The following CC2D2A variants were observed in gnomAD, a reference collection of about 807,000 sequenced individuals.
The protein encoded by CC2D2A is coiled-coil and C2 domain-containing protein 2A.
Under a neutral mutation model 212.9 loss-of-function variants are expected in CC2D2A, and 155 were observed. The ratio of observed to expected loss-of-function variants is 0.73; its 90% CI spans 0.64 to 0.83. The LOEUF (loss-of-function observed/expected upper bound fraction) is 0.83. CC2D2A is among the 40% of genes least tolerant of loss of function. CC2D2A has a pLI of 0.00. For synonymous variants in CC2D2A, 667 were observed against 686.5 expected (o/e 0.97, Z 0.44); for missense variants, 1,856 against 1,956.2 (o/e 0.95, Z 0.97).
chr4:15,558,229 C>T (rs763058054), intron 21 of CC2D2A, among the ~76,000 whole-genome samples: 4 of 151,978 alleles, frequency 2.6e-5, no homozygotes, highest in Non-Finnish European at 2.9e-5. Flanking sequence ...AAATGGAGAG[C>T]CATCAGGAAT....
intron 1 of CC2D2A, among the ~76,000 whole-genome samples, chr4:15,472,241 T>G (rs988202685): frequency 1.4e-4 from 21 of 152,356 alleles, no homozygotes; most frequent in African/African-American, 5.1e-4. Flanking sequence ...CTCAGTTTAC[T>G]CATACGCAAA....
At chr4:15,585,691 T>C (rs546345146) in intron 30 of CC2D2A, among the ~76,000 whole-genome samples, 2 of 152,306 alleles carry the variant, frequency 1.3e-5, no homozygotes, top group East Asian at 3.9e-4. Flanking sequence ...ATATGCCAAT[T>C]ACCCTGATTT....
rs1355157477 is a variant in CC2D2A at position 15,510,236 on chromosome 4, C to G, written c.536C>G (p.Pro179Arg). ...HDSARKIKPK[P>R]QVPPGFPSAE... ...TCTGCACGAAAAATCAAGCCTAAAC[C>G]CCAGGTGAGAAATCTTGTTTTTTAA... The change falls in exon 7 of 37, where the codon CCC becomes CGC. Residue 179 changes from proline to arginine, a missense_variant. Transcript: ENST00000424120. 6.2e-7 allele frequency: 1 copy of G among 1,606,600 alleles called. No individual in the cohort carries two copies. Among genetic ancestry groups the G allele is most frequent in the East Asian group, 2.2e-5 (1 of 44,798 alleles).
At chr4:15,547,691 A>G (rs1348768311) in intron 17 of CC2D2A, among the ~76,000 whole-genome samples, 1 of 152,154 alleles carries the variant, frequency 6.6e-6, no homozygotes, top group Non-Finnish European at 1.5e-5. Context: ...TACCTACTTA[A>G]AGCCCAAAGT....
chr4:15,512,986 T>C (rs1716659722), intron 8 of CC2D2A, among the ~76,000 whole-genome samples: 1 of 151,438 alleles, frequency 6.6e-6, no homozygotes, highest in African/African-American at 2.4e-5. Context: ...GTGGACTTCA[T>C]GTTATATATA....
chr4:15,522,703 C>T (rs1307576388), intron 11 of CC2D2A, among the ~76,000 whole-genome samples: 2 of 152,086 alleles, frequency 1.3e-5, no homozygotes, highest in African/African-American at 4.8e-5. Flanking sequence ...CAATTTAATA[C>T]ATCTTAAGAA....
chr4:15,562,489 G>A (rs1249237817), intron 23 of CC2D2A, among the ~76,000 whole-genome samples: 7 of 152,118 alleles, frequency 4.6e-5, no homozygotes, highest in East Asian at 3.9e-4. Context: ...TATCATCTCC[G>A]TGAAAGGTAG....
At position 15,527,606 on chromosome 4, in the gene CC2D2A, C is replaced by T. The variant is rs1315611314; in HGVS notation, c.1309C>T (p.Gln437Ter). Residue 437 changes from glutamine (Q) to a stop codon, truncating the protein, a stop_gained, in exon 12 of 37, where the codon CAG becomes TAG. Transcript: ENST00000424120. LOFTEE classifies it high-confidence loss of function. ...LAAKLAQLYD[Q>*]YLARHQRNKA... is the part of the protein sequence containing the mutation. ...AGCCAAGCTGGCCCAGTTATATGAC[C>T]AGTACCTTGCAAGACACCAGAGAAA... The T allele has an allele frequency of 6.2e-7, 1 of 1,612,892 alleles. No individual in the cohort carries two copies. The highest frequency in any genetic ancestry group is 8.5e-7 in the Non-Finnish European group (1 of 1,179,382).
At chr4:15,492,091 T>G (rs1426734540) in intron 4 of CC2D2A, among the ~76,000 whole-genome samples, 3 of 152,234 alleles carry the variant, frequency 2.0e-5, no homozygotes, top group Non-Finnish European at 2.9e-5. Flanking sequence ...CCTTCTGATC[T>G]GTTTCTATCA....
intron 4 of CC2D2A, among the ~76,000 whole-genome samples, chr4:15,484,626 G>A (rs1175310017): frequency 3.3e-5 from 5 of 152,026 alleles, no homozygotes; most frequent in Admixed American, 6.6e-5. Context: ...AGGTAGAGAC[G>A]AACAGGTATA....
intron 1 of CC2D2A, among the ~76,000 whole-genome samples, chr4:15,472,393 A>C (rs1274893067): frequency 6.6e-6 from 1 of 152,206 alleles, no homozygotes; most frequent in Admixed American, 6.5e-5. Context: ...ACCAGTGCAT[A>C]AGATGATGGC....
At position 15,570,482 on chromosome 4, in the gene CC2D2A, T is replaced by C. The variant is rs756905415; in HGVS notation, c.3580T>C (p.Tyr1194His). Residue 1194 changes from tyrosine to histidine, a missense_variant, in exon 28 of 37, where the codon TAT (tyrosine) becomes CAT (histidine). Around this residue, in one of 5 missense-constraint regions of CC2D2A, gnomAD observed 1,512 missense variants for 1,579.3 expected, o/e 0.96. Coordinates refer to ENST00000424120, the MANE Select transcript of CC2D2A (RefSeq NM_001378615.1). ...TGTGAAAATGCCATTTAGCACAATA[T>C]ATTTCCAAGCAAGGGTAAGTATCTA... ...GCVKMPFSTI[Y>H]FQARIDGTFK... The C allele has an allele frequency of 1.7e-5, 27 of 1,601,368 alleles. No individual in the cohort carries two copies. The Admixed American group carries it at 3.4e-4, about 20-fold the overall frequency.
intron 13 of CC2D2A, among the ~76,000 whole-genome samples, chr4:15,530,086 C>G (rs546939944): frequency 6.6e-6 from 1 of 151,876 alleles, no homozygotes; most frequent in African/African-American, 2.4e-5. Flanking sequence ...ATTCTCCCGC[C>G]TCAGCCTCCC....
At chr4:15,528,968 A>T (rs922514286) in intron 13 of CC2D2A, among the ~76,000 whole-genome samples, 1 of 152,242 alleles carries the variant, frequency 6.6e-6, no homozygotes, top group African/African-American at 2.4e-5. Flanking sequence ...CGCTTCTGAG[A>T]GCAGCTTGGC....
At chr4:15,582,052 G>T (rs1720685068) in intron 30 of CC2D2A, among the ~76,000 whole-genome samples, 1 of 152,086 alleles carries the variant, frequency 6.6e-6, no homozygotes. Context: ...ATATAACATA[G>T]ACATGTTTAA....
chr4:15,598,087 A>G (rs1366300893), intron 35 of CC2D2A, among the ~76,000 whole-genome samples: 1 of 152,130 alleles, frequency 6.6e-6, no homozygotes, highest in Non-Finnish European at 1.5e-5. Flanking sequence ...ATTTACTCTC[A>G]ATTTCTCCAT....
intron 1 of CC2D2A, among the ~76,000 whole-genome samples, chr4:15,473,939 A>G (rs2108962955): frequency 6.6e-6 from 1 of 152,288 alleles, no homozygotes; most frequent in South Asian, 2.1e-4. Context: ...AAAGCAAAGA[A>G]CTTTATTTGA....
chr4:15,469,889 T>A lies in CC2D2A; in HGVS notation c.-187T>A, dbSNP rs1186776858. 1 of 150,706 alleles carries A rather than the reference T, an allele frequency of 6.6e-6. No homozygotes were observed. Among genetic ancestry groups the A allele is most frequent in the Admixed American group, 6.6e-5 (1 of 15,128 alleles). The allele number at this position is 150,706 out of a possible 1,614,324, so 9.3% of individuals were successfully genotyped here. On this transcript the variant is annotated 5_prime_UTR_variant, in exon 1 of 37. Transcript: ENST00000424120. ...CCTTAGGAACGGGTTGCTAAGCTGG[T>A]GTTTTTGCTCCAAGACATGGCTGCA...
At position 15,570,575 on chromosome 4, in the gene CC2D2A, C is replaced by A. The variant is rs1335805125; in HGVS notation, c.3594+79C>A. ...TTCCTATTAAAACGTTCTTTGTGGGCCAGGCGCGGTGGCTCATGCCTGTAA... is the reference window on the plus strand; with the variant it reads ...TTCCTATTAAAACGTTCTTTGTGGGACAGGCGCGGTGGCTCATGCCTGTAA... On this transcript the variant is annotated intron_variant, in intron 28 of 36. Coordinates refer to ENST00000424120, the MANE Select transcript of CC2D2A (RefSeq NM_001378615.1). 3 of 990,520 alleles carry A rather than the reference C, an allele frequency of 3.0e-6. No individual in the cohort carries two copies. The African/African-American group carries it at 4.8e-5, about 16-fold the overall frequency. The allele number at this position is 990,520 out of a possible 1,614,324, so 61.4% of individuals were successfully genotyped here.
Sources: gnomAD v4.1 joint callset for allele counts (sites outside exome capture counted in the v4.1 genomes callset) on GRCh38, gnomAD v4.1.1 for gene constraint, gnomAD v4.1.1 regional missense constraint, MANE v1.5 for transcripts, NCBI Gene and HGNC (gene_info 2026-07-23, HGNC 2026-07-21) for gene names.